VIT: variants seen among roughly 807,000 people sequenced by gnomAD.
The protein encoded by VIT is vitrin.
Under a neutral mutation model 78.0 loss-of-function variants are expected in VIT, and 99 were observed. That is an observed-to-expected ratio of 1.27 (90% CI 1.08 to 1.50). The LOEUF (loss-of-function observed/expected upper bound fraction) is 1.50. VIT is among the 40% of genes most tolerant of loss of function. The pLI, the probability that VIT is intolerant of heterozygous loss-of-function variation, is 0.00. For missense variants in VIT, 1,126 were observed against 875.3 expected (o/e 1.29, Z -3.61); for synonymous variants, 374 against 334.3 (o/e 1.12, Z -1.29).
At chr2:36,784,965 A>C (rs1463505423) in intron 11 of VIT, among the ~76,000 whole-genome samples, 1 of 152,068 alleles carries the variant, frequency 6.6e-6, no homozygotes. Context: ...GCAAATAGAG[A>C]AACAGCTCAC....
At chr2:36,727,963 C>G (rs567944746) in intron 2 of VIT, among the ~76,000 whole-genome samples, 1 of 152,344 alleles carries the variant, frequency 6.6e-6, no homozygotes, top group African/African-American at 2.4e-5. Flanking sequence ...AAGTCTCACT[C>G]TGTCGCCCAG....
At chr2:36,740,525 A>T (rs1202251697) in intron 3 of VIT, among the ~76,000 whole-genome samples, 1 of 152,162 alleles carries the variant, frequency 6.6e-6, no homozygotes, top group Non-Finnish European at 1.5e-5. Context: ...AATTTAACAA[A>T]TTTTTTACCT....
chr2:36,758,345 G>C (rs926611551), intron 5 of VIT, among the ~76,000 whole-genome samples: 7 of 152,346 alleles, frequency 4.6e-5, no homozygotes, highest in African/African-American at 1.4e-4. Flanking sequence ...AGACCATATG[G>C]TGGAATTTCA....
intron 12 of VIT, among the ~76,000 whole-genome samples, chr2:36,798,677 T>G (rs1276887294): frequency 4.6e-5 from 7 of 152,134 alleles, no homozygotes; most frequent in Non-Finnish European, 8.8e-5. Flanking sequence ...GAGAATTGCC[T>G]AAACCCTGGA....
intron 10 of VIT, among the ~76,000 whole-genome samples, chr2:36,782,640 CTTTA>C (rs890327115): frequency 1.1e-4 from 16 of 152,130 alleles, no homozygotes; most frequent in African/African-American, 3.9e-4. Context: ...CTTTTATTGT[CTTTA>C]TTTCTTTAAA....
In VIT at chr2:36,776,905, C is replaced by T. The variant is rs552071404; in HGVS notation, c.802+1838C>T. 2.1e-3 allele frequency among the ~76,000 whole-genome samples: 311 copies of T among 151,064 alleles called. 1 individual carries two copies. Among genetic ancestry groups the T allele is most frequent in the East Asian group, 7.3e-3 (37 of 5,090 alleles). Reference sequence around the variant, plus strand: ...GAGATCGAGACCATCCCGGCTAACACGGTGAAACTCCGTCTCTACTAAAAA... The same window carrying T: ...GAGATCGAGACCATCCCGGCTAACATGGTGAAACTCCGTCTCTACTAAAAA... On this transcript the variant is annotated intron_variant, in intron 9 of 15. Coordinates refer to ENST00000379242, the MANE Select transcript of VIT (RefSeq NM_053276.4).
At chr2:36,699,609 T>TAG (rs56050360) in intron 1 of VIT, among the ~76,000 whole-genome samples, 14,778 of 128,640 alleles carry the variant, frequency 0.11, 890 homozygotes, top group East Asian at 0.18. Flanking sequence ...TAGATATAGA[T>TAG]ATAGATAGAT....
chr2:36,749,120 T>C lies in VIT; in HGVS notation c.276-5801T>C, dbSNP rs1558537118. ...TGGGGAGAGGAAGAGAATTGTACTCTTTCATGTTCATGAAAAGGAATCCAA... is the reference window on the plus strand; with the variant it reads ...TGGGGAGAGGAAGAGAATTGTACTCCTTCATGTTCATGAAAAGGAATCCAA... On this transcript the variant is annotated intron_variant, in intron 4 of 15. Transcript: ENST00000379242. Among the ~76,000 whole-genome samples, 4 of 152,232 alleles carry C rather than the reference T, an allele frequency of 2.6e-5. No individual in the cohort carries two copies. The South Asian group carries it at 6.2e-4, about 24-fold the overall frequency.
At chr2:36,773,933 T>C in intron 8 of VIT, 86 bp downstream of exon 8, 2 of 1,390,706 alleles carry the variant, frequency 1.4e-6, no homozygotes, top group Non-Finnish European at 1.9e-6. Context: ...GCCATTTAAT[T>C]TAGATTTGGA....
chr2:36,748,945 T>A (rs1003633073), intron 4 of VIT, among the ~76,000 whole-genome samples: 2 of 152,226 alleles, frequency 1.3e-5, no homozygotes, highest in African/African-American at 4.8e-5. Flanking sequence ...CTTGACGCCC[T>A]CCCTGAAAAA....
chr2:36,749,578 G>T (rs1332072181), intron 4 of VIT, among the ~76,000 whole-genome samples: 3 of 152,086 alleles, frequency 2.0e-5, no homozygotes, highest in Non-Finnish European at 4.4e-5. Context: ...CTACTCTTAT[G>T]CACATCTTAA....
At chr2:36,783,540 T>C in intron 11 of VIT, 138 bp downstream of exon 11, 1 of 802,946 alleles carries the variant, frequency 1.2e-6, no homozygotes, top group Non-Finnish European at 2.0e-6. Flanking sequence ...GACACCTTGT[T>C]CTAAGGGGAA....
chr2:36,805,514 G>C lies in VIT; in HGVS notation c.1239G>C (p.Val413=). The change falls in exon 14 of 16, where the codon GTG becomes GTC. Residue 413 remains valine, a synonymous_variant. Coordinates refer to ENST00000379242, the MANE Select transcript of VIT (RefSeq NM_053276.4). ...ACAGAAGCGGGGCTCCCAATGTGGT[G>C]GTGGTGATGGTGGATGGCTGGCCCA... The part of the protein sequence containing the change: ...NGNRSGAPNV[V]VVMVDGWPTD... 1 of 1,614,152 alleles carries C rather than the reference G, an allele frequency of 6.2e-7. No homozygotes were observed. The highest frequency in any genetic ancestry group is 8.5e-7 in the Non-Finnish European group (1 of 1,180,024).
Position 36,783,402 on chromosome 2 carries a change from A to G in VIT, c.910A>G (p.Asn304Asp). 1 of 1,614,112 alleles carries G rather than the reference A, an allele frequency of 6.2e-7. No homozygotes were observed. Among genetic ancestry groups the G allele is most frequent in the Non-Finnish European group, 8.5e-7 (1 of 1,179,978 alleles). The change falls in exon 11 of 16, where the codon AAC becomes GAC. Residue 304 changes from asparagine to aspartate, a missense_variant and splice_region_variant. Coordinates refer to ENST00000379242, the MANE Select transcript of VIT (RefSeq NM_053276.4). ...SLEPVSLGDP[N>D]CKIDLSFLID... ...GGAGCCAGTATCCCTGGGAGATCCA[A>G]GTAAGTTAATTGACAACTAGAAACC...
chr2:36,808,403 T>A (rs765633771), intron 14 of VIT, 69 bp from the exon 15 acceptor site: 4 of 1,520,132 alleles, frequency 2.6e-6, no homozygotes, highest in Non-Finnish European at 3.5e-6. Context: ...CCCCGGGGGA[T>A]CAAGCCTAAT....
intron 2 of VIT, among the ~76,000 whole-genome samples, chr2:36,722,247 A>G (rs952528184): frequency 1.3e-5 from 2 of 152,184 alleles, no homozygotes; most frequent in African/African-American, 4.8e-5. Context: ...GTGTGTACTG[A>G]CAGGGAGCAA....
chr2:36,774,462 G>A (rs1243493725), intron 8 of VIT: 16 of 972,902 alleles, frequency 1.6e-5, no homozygotes, highest in African/African-American at 1.8e-5. Context: ...CCCGGTCTAT[G>A]AGCTGATAGA....
In VIT at chr2:36,708,947, C is replaced by T. The variant is rs955169437; in HGVS notation, c.-18-7406C>T. ...GGCAGATCACCTGAAGTCAGAAGTT[C>T]GAGACGAGCGTGACCAACATGGTGA... On this transcript the variant is annotated intron_variant, in intron 1 of 15. Transcript: ENST00000379242. Among the ~76,000 whole-genome samples the T allele has an allele frequency of 2.0e-5, 3 of 152,164 alleles. No homozygotes were observed. In the East Asian group the frequency reaches 5.8e-4, roughly 29 times the overall value.
chr2:36,763,526 G>C (rs1180336229), intron 6 of VIT, among the ~76,000 whole-genome samples: 1 of 146,200 alleles, frequency 6.8e-6, no homozygotes, highest in Non-Finnish European at 1.5e-5. Context: ...AGGGTATTAT[G>C]TTCAGTGAGG....
Sources: allele counts gnomAD v4.1 joint callset (sites outside exome capture counted in the v4.1 genomes callset), GRCh38; gene constraint gnomAD v4.1.1; transcripts MANE v1.5; gene names NCBI Gene and HGNC (gene_info 2026-07-23, HGNC 2026-07-21).